The following GALNT2 variants were observed in gnomAD, a reference collection of about 807,000 sequenced individuals.
GALNT2 encodes polypeptide N-acetylgalactosaminyltransferase 2.
GALNT2 carries 31 observed loss-of-function variants against 81.4 expected under a neutral mutation model. The ratio of observed to expected loss-of-function variants is 0.38; its 90% CI spans 0.29 to 0.51. The LOEUF (loss-of-function observed/expected upper bound fraction) is 0.51, where lower values mean the gene tolerates loss of function less well. Among genes scored for constraint, GALNT2 ranks in the 20% least tolerant of loss-of-function variants. The probability of loss-of-function intolerance (pLI) is 0.87; values close to 1 mark genes in which losing one functional copy is unlikely to be tolerated. For synonymous variants in GALNT2, 303 were observed against 287.4 expected, an observed-to-expected ratio of 1.05 and a Z score of -0.55; for missense variants, 629 against 765.7, an observed-to-expected ratio of 0.82 and a Z score of 2.11.
intron 1 of GALNT2, among the ~76,000 whole-genome samples, chr1:230,130,910 G>C (rs1013900204): frequency 6.6e-6 from 1 of 152,184 alleles, no homozygotes; most frequent in Non-Finnish European, 1.5e-5. Context: ...ACCCGTGACT[G>C]CCCTGCGTCT....
chr1:230,278,762 C>G lies in GALNT2; in HGVS notation c.1561-541C>G, dbSNP rs140207356. On this transcript the variant is annotated intron_variant, in intron 15 of 15. Transcript: ENST00000366672. ...CAATGCTATGTTCTGTTCAAACAAC[C>G]ATCTCTCTTCCTGACATTTGGCCTG... 6.6e-5 allele frequency among the ~76,000 whole-genome samples: 10 copies of G among 152,302 alleles called. 2 individuals carry two copies. The highest frequency in any genetic ancestry group is 2.4e-4 in the African/African-American group (10 of 41,562).
intron 1 of GALNT2, among the ~76,000 whole-genome samples, chr1:230,168,220 T>A (rs1662676406): frequency 6.6e-6 from 1 of 152,198 alleles, no homozygotes; most frequent in Non-Finnish European, 1.5e-5. Context: ...TTATATATCA[T>A]CTCTTAAAGG....
intron 1 of GALNT2, among the ~76,000 whole-genome samples, chr1:230,075,895 T>C (rs1659537262): frequency 6.6e-6 from 1 of 152,206 alleles, no homozygotes; most frequent in Non-Finnish European, 1.5e-5. Flanking sequence ...TTCCCTCTGC[T>C]TCAGAGGTAG....
rs573478928 is a variant in GALNT2, at chr1:230,100,310, CTTTTTTTTTTTTTT to C, written c.126+32917_126+32930del. 1.3e-4 allele frequency among the ~76,000 whole-genome samples: 11 copies of C among 85,782 alleles called. No homozygotes were observed. The South Asian group carries it at 4.7e-3, about 37-fold the overall frequency. 56.3% of individuals were successfully genotyped at this position (85,782 alleles called of 152,430 possible). A position where few individuals can be genotyped will look rare whatever the true frequency, so the allele number is the denominator to read the frequency against. ...GGATGCCCAGGGTATCTTTTTATTC[CTTTTTTTTTTTTTT>C]TTTTTTTTTTTTGAGATGGAGTCTC... On this transcript the variant is annotated intron_variant, in intron 1 of 15. Coordinates refer to ENST00000366672, the MANE Select transcript of GALNT2 (RefSeq NM_004481.5).
chr1:230,187,982 C>A (rs942697020), intron 2 of GALNT2, among the ~76,000 whole-genome samples: 1 of 152,146 alleles, frequency 6.6e-6, no homozygotes, highest in African/African-American at 2.4e-5. Context: ...GAAAAGGCAA[C>A]ATTCGGGCAG....
intron 1 of GALNT2, among the ~76,000 whole-genome samples, chr1:230,124,455 G>A (rs1455617723): frequency 1.3e-5 from 2 of 152,128 alleles, no homozygotes; most frequent in Non-Finnish European, 1.5e-5. Context: ...AAAAAGCAAG[G>A]AAAATATAAT....
intron 1 of GALNT2, among the ~76,000 whole-genome samples, chr1:230,079,032 G>A (rs763977565): frequency 1.3e-5 from 2 of 152,168 alleles, no homozygotes; most frequent in Admixed American, 6.5e-5. Context: ...TTTATGTTCA[G>A]TCTTTCTGCC....
intron 2 of GALNT2, among the ~76,000 whole-genome samples, chr1:230,202,274 G>T (rs1054459919): frequency 3.9e-5 from 6 of 152,150 alleles, no homozygotes; most frequent in Non-Finnish European, 7.3e-5. Flanking sequence ...TCCTGCCTTT[G>T]TGCATTTCTC....
chr1:230,243,296 G>A lies in GALNT2; in HGVS notation c.608-10G>A, dbSNP rs774693718. On this transcript the variant is annotated splice_polypyrimidine_tract_variant and intron_variant, in intron 6 of 15. Transcript: ENST00000366672. This position sits in a 1 kb window ranked among gnomAD's most constrained non-coding sequence, Gnocchi z 4.2. ...TCTCTCCTGACGTGCTTTCCAACTC[G>A]CCTCTGCAGGCCTCATGCGCTCACG... 37 of 1,589,802 alleles carry A rather than the reference G, an allele frequency of 2.3e-5. No homozygotes were observed. The highest frequency in any genetic ancestry group is 3.4e-5 in the Admixed American group (2 of 58,768).
chr1:230,132,468 G>A (rs976964886), intron 1 of GALNT2, among the ~76,000 whole-genome samples: 3 of 152,192 alleles, frequency 2.0e-5, no homozygotes, highest in Non-Finnish European at 4.4e-5. Context: ...AGCCCGCAGA[G>A]GCTGAGTCCT....
rs557354928 is a variant in GALNT2 at position 230,228,835 on chromosome 1, G to T, written c.375-7179G>T. ...TTCAAGTTCCATGAAAAAACCCTGC[G>T]TGACACTTCACTGAATTTATGGATT... On this transcript the variant is annotated intron_variant, in intron 3 of 15. Transcript: ENST00000366672. 2.6e-5 allele frequency among the ~76,000 whole-genome samples: 4 copies of T among 152,188 alleles called. No homozygotes were observed. The East Asian group carries it at 7.7e-4, about 29-fold the overall frequency.
chr1:230,084,876 G>T (rs1659852425), intron 1 of GALNT2, among the ~76,000 whole-genome samples: 1 of 152,192 alleles, frequency 6.6e-6, no homozygotes, highest in Non-Finnish European at 1.5e-5. Flanking sequence ...TCTCCCTGGT[G>T]CAGGGTGAAC....
chr1:230,126,537 C>T (rs1256364143), intron 1 of GALNT2, among the ~76,000 whole-genome samples: 1 of 152,020 alleles, frequency 6.6e-6, no homozygotes, highest in Admixed American at 6.6e-5. Context: ...GAAGAGAGGC[C>T]CCCGCCTCCA....
At chr1:230,209,368 C>CCCATCCTGATCCACT (rs57810993) in intron 3 of GALNT2, among the ~76,000 whole-genome samples, 1 of 152,056 alleles carries the variant, frequency 6.6e-6, no homozygotes, top group Admixed American at 6.5e-5. Context: ...CCTGATCCAC[C>CCCATCCTGATCCACT]TGTCCTACAG....
chr1:230,107,039 G>T (rs2102784853), intron 1 of GALNT2, among the ~76,000 whole-genome samples: 1 of 152,350 alleles, frequency 6.6e-6, no homozygotes, highest in South Asian at 2.1e-4. Context: ...GGCTCCGAGA[G>T]CTAGACTGCA....
chr1:230,066,827 G>A (rs1659193775), upstream of GALNT2, among the ~76,000 whole-genome samples: 1 of 152,036 alleles, frequency 6.6e-6, no homozygotes, highest in Non-Finnish European at 1.5e-5. Context: ...GCGCGCTCCA[G>A]TCGGGTCCCG....
chr1:230,262,985 A>C lies in GALNT2; in HGVS notation c.1293A>C (p.Glu431Asp), dbSNP rs747505499. The C allele has an allele frequency of 2.1e-5, 34 of 1,614,026 alleles. No homozygotes were observed. Among genetic ancestry groups the C allele is most frequent in the Non-Finnish European group, 2.8e-5 (33 of 1,179,970 alleles). Residue 431 changes from glutamate to aspartate, a missense_variant, in exon 13 of 16, where the codon GAA (glutamate) becomes GAC (aspartate). Transcript: ENST00000366672. The stretch of plus-strand genomic sequence containing the variant: ...GCAAGCCTTTCAAATGGTACCTTGA[A>C]AATGTCTATCCAGAGTTAAGGTAAG... ...LSCKPFKWYL[E>D]NVYPELRVPD...
At position 230,069,944 on chromosome 1, in the gene GALNT2, T is replaced by C. The variant is rs531534168; in HGVS notation, c.126+2538T>C. On this transcript the variant is annotated intron_variant, in intron 1 of 15. Transcript: ENST00000366672. ...CTGCAGTATTGGGCTTTAGGGATCG[T>C]CTGAGGGGAGTCCAACTAGGATTTC... 1.0e-3 allele frequency among the ~76,000 whole-genome samples: 157 copies of C among 152,192 alleles called. 1 individual carries two copies. Among genetic ancestry groups the C allele is most frequent in the Non-Finnish European group, 1.6e-3 (106 of 68,040 alleles).
chr1:230,160,357 C>T (rs956824263), intron 1 of GALNT2, among the ~76,000 whole-genome samples: 2 of 152,152 alleles, frequency 1.3e-5, no homozygotes, highest in African/African-American at 4.8e-5. Flanking sequence ...TGGCCAGGAT[C>T]ACACACCATG....
Sources: allele counts gnomAD v4.1 joint callset (sites outside exome capture counted in the v4.1 genomes callset), GRCh38; gene constraint gnomAD v4.1.1; non-coding constraint Gnocchi (gnomAD v3.1); transcripts MANE v1.5; gene names NCBI Gene and HGNC (gene_info 2026-07-23, HGNC 2026-07-21).